The following PPP1R13B variants were observed in gnomAD, a reference collection of about 807,000 sequenced individuals.
PPP1R13B encodes the protein apoptosis-stimulating of p53 protein 1.
PPP1R13B carries 44 observed loss-of-function variants against 119.8 expected under a neutral mutation model. The ratio of observed to expected loss-of-function variants is 0.37; its 90% CI spans 0.29 to 0.47. The LOEUF (loss-of-function observed/expected upper bound fraction) is 0.47, where lower values mean the gene tolerates loss of function less well. Ranked by LOEUF, PPP1R13B falls within the 20% of genes least tolerant of loss-of-function variation. The pLI is 0.99. For synonymous variants in PPP1R13B, 542 were observed against 561.5 expected, an observed-to-expected ratio of 0.97 and a Z score of 0.49; for missense variants, 1,227 against 1,413.5, an observed-to-expected ratio of 0.87 and a Z score of 2.12.
intron 1 of PPP1R13B, among the ~76,000 whole-genome samples, chr14:103,842,908 C>T (rs138077662): frequency 1.3e-5 from 2 of 151,790 alleles, no homozygotes; most frequent in Non-Finnish European, 2.9e-5. Context: ...ACCCGGGAGG[C>T]GGAGGTTGCA....
chr14:103,810,115 C>T (rs548946259), intron 1 of PPP1R13B, among the ~76,000 whole-genome samples: 3 of 152,112 alleles, frequency 2.0e-5, no homozygotes, highest in South Asian at 2.1e-4. Context: ...TGAGCCACCG[C>T]GCCCAGCTGT....
At chr14:103,806,989 G>A (rs143985242) in intron 1 of PPP1R13B, among the ~76,000 whole-genome samples, 3 of 152,236 alleles carry the variant, frequency 2.0e-5, no homozygotes, top group East Asian at 3.9e-4. Context: ...TTTCCTCTCT[G>A]AGAATAAATT....
chr14:103,792,489 T>C (rs1283773747), intron 2 of PPP1R13B, among the ~76,000 whole-genome samples: 2 of 152,132 alleles, frequency 1.3e-5, no homozygotes, highest in Non-Finnish European at 2.9e-5. Flanking sequence ...TTTGAGAAGA[T>C]TAATTTCAAG....
Position 103,739,850 on chromosome 14 carries a change from C to G in PPP1R13B, c.2566G>C (p.Ala856Pro), listed in dbSNP as rs1246483776. Reference protein sequence around the residue: ...EQVPPAPLPPASHPPATSTNK... With the variant: ...EQVPPAPLPPPSHPPATSTNK... Reference sequence around the variant, plus strand: ...GTGGAGGTGGCAGGAGGGTGGCTGGCAGGGGGAAGAGGTGCTGGAGGGACC... The same window carrying G: ...GTGGAGGTGGCAGGAGGGTGGCTGGGAGGGGGAAGAGGTGCTGGAGGGACC... The change falls in exon 12 of 17, where the codon GCC becomes CCC. Residue 856 changes from alanine to proline, a missense_variant. Physicochemically the swap from Ala to Pro is conservative, Grantham distance 27. Transcript: ENST00000202556. 6.2e-6 allele frequency: 10 copies of G among 1,609,326 alleles called. No homozygotes were observed. The African/African-American group carries it at 1.2e-4, about 19-fold the overall frequency.
chr14:103,828,466 C>T (rs537098676), intron 1 of PPP1R13B, among the ~76,000 whole-genome samples: 2 of 151,938 alleles, frequency 1.3e-5, no homozygotes, highest in South Asian at 4.2e-4. Context: ...TACAGGATCA[C>T]TCATTCATTC....
At chr14:103,753,325 T>G (rs182430588) in intron 6 of PPP1R13B, 129 bp from the exon 7 acceptor site, 2 of 876,782 alleles carry the variant, frequency 2.3e-6, no homozygotes, top group Admixed American at 5.6e-5. Context: ...ATATGCAGAA[T>G]CCACAACACA....
intron 4 of PPP1R13B, among the ~76,000 whole-genome samples, chr14:103,758,940 G>A (rs1159587990): frequency 1.3e-5 from 2 of 151,744 alleles, no homozygotes; most frequent in Admixed American, 6.6e-5. Context: ...TTGAAACATG[G>A]GATCAGGATT....
At chr14:103,797,564 AAC>A in intron 1 of PPP1R13B, 46 bp from the exon 2 acceptor site, 1 of 1,520,774 alleles carries the variant, frequency 6.6e-7, no homozygotes, top group Non-Finnish European at 9.0e-7. Context: ...CCTTATCACA[AAC>A]AGATTAATCT....
Position 103,733,307 on chromosome 14 carries a change from A to G in PPP1R13B, c.*1847T>C, listed in dbSNP as rs1333966995. The G allele has an allele frequency of 2.7e-6, 1 of 371,064 alleles. No homozygotes were observed. The highest frequency in any genetic ancestry group is 4.9e-6 in the Non-Finnish European group (1 of 202,444). 23.0% of individuals were successfully genotyped at this position (371,064 alleles called of 1,614,324 possible). ...TGCTAAACTATTTTTAGCATAATAT[A>G]TACCATTTTTATGAGTTCGCAGGTC... On this transcript the variant is annotated 3_prime_UTR_variant, in exon 17 of 17. Transcript: ENST00000202556.
upstream of PPP1R13B, chr14:103,847,716 CG>C (rs1183897479): frequency 2.6e-6 from 2 of 774,314 alleles, no homozygotes; most frequent in African/African-American, 3.8e-5. Context: ...CGGCTCCGCC[CG>C]CTACCCTCGC....
intron 4 of PPP1R13B, among the ~76,000 whole-genome samples, 154 bp from the exon 5 acceptor site, chr14:103,757,905 T>A (rs2084716200): frequency 6.6e-6 from 1 of 152,242 alleles, no homozygotes; most frequent in Non-Finnish European, 1.5e-5. Context: ...TTTTCCTAAT[T>A]GTTGACTGCT....
intron 8 of PPP1R13B, chr14:103,747,266 G>A (rs1205593477): frequency 6.6e-6 from 1 of 152,162 alleles, no homozygotes; most frequent in Non-Finnish European, 1.5e-5. Context: ...ATATGCATGA[G>A]GACAGGTCAT....
At position 103,733,678 on chromosome 14, in the gene PPP1R13B, G is replaced by C. The variant is rs1433664093; in HGVS notation, c.*1476C>G. 1 of 152,520 alleles carries C rather than the reference G, an allele frequency of 6.6e-6. No homozygotes were observed. Among genetic ancestry groups the C allele is most frequent in the Non-Finnish European group, 1.5e-5 (1 of 68,098 alleles). 9.4% of individuals were successfully genotyped at this position (152,520 alleles called of 1,614,324 possible). A position where few individuals can be genotyped will look rare whatever the true frequency, so the allele number is the denominator to read the frequency against. The stretch of plus-strand genomic sequence containing the variant: ...ATTTTGAACATACGGACAAGGCCTC[G>C]CCTTCCTGTGTCCAGATCACCTGAA... On this transcript the variant is annotated 3_prime_UTR_variant, in exon 17 of 17. Transcript: ENST00000202556.
At chr14:103,809,919 C>T (rs771921619) in intron 1 of PPP1R13B, among the ~76,000 whole-genome samples, 25 of 151,106 alleles carry the variant, frequency 1.7e-4, no homozygotes, top group East Asian at 4.2e-4. Flanking sequence ...CTCTGCCTCC[C>T]GGGTTCAAGT....
chr14:103,767,465 T>C (rs1389903719), intron 4 of PPP1R13B, among the ~76,000 whole-genome samples: 1 of 152,090 alleles, frequency 6.6e-6, no homozygotes, highest in Non-Finnish European at 1.5e-5. Flanking sequence ...TGTGACACCA[T>C]TGCAAAGCAC....
intron 1 of PPP1R13B, among the ~76,000 whole-genome samples, chr14:103,824,946 CA>C (rs1459408704): frequency 4.2e-5 from 5 of 120,058 alleles, no homozygotes; most frequent in African/African-American, 1.8e-4. Flanking sequence ...GCAGATATTG[CA>C]TTTTTTTTAA....
chr14:103,811,259 G>A (rs1397353654), intron 1 of PPP1R13B, among the ~76,000 whole-genome samples: 2 of 152,084 alleles, frequency 1.3e-5, no homozygotes, highest in African/African-American at 4.8e-5. Context: ...TAGTGCCTCA[G>A]GACCAGTTTT....
chr14:103,797,094 T>A (rs1373427359), intron 2 of PPP1R13B, among the ~76,000 whole-genome samples: 2 of 144,254 alleles, frequency 1.4e-5, no homozygotes, highest in African/African-American at 5.1e-5. Context: ...TGAGATACTG[T>A]CTCAAAAAAA....
intron 1 of PPP1R13B, among the ~76,000 whole-genome samples, chr14:103,803,639 T>C (rs1037181644): frequency 6.6e-6 from 1 of 151,972 alleles, no homozygotes; most frequent in African/African-American, 2.4e-5. Flanking sequence ...CGAGACTCCG[T>C]CTCAAAAATA....
Sources: gnomAD v4.1 joint callset for allele counts (sites outside exome capture counted in the v4.1 genomes callset) on GRCh38, gnomAD v4.1.1 for gene constraint, MANE v1.5 for transcripts, NCBI Gene and HGNC (gene_info 2026-07-23, HGNC 2026-07-21) for gene names.